The following COL22A1 variants were observed in gnomAD, a reference collection of about 807,000 sequenced individuals.
COL22A1 encodes collagen type XXII alpha 1 chain.
A neutral mutation model predicts 248.9 loss-of-function variants in COL22A1; 221 were observed. The ratio of observed to expected loss-of-function variants is 0.89; its 90% CI spans 0.80 to 0.99. The LOEUF (loss-of-function observed/expected upper bound fraction) is 0.99, where lower values mean the gene tolerates loss of function less well. Ranked by LOEUF, COL22A1 falls within the 50% of genes least tolerant of loss-of-function variation. COL22A1 has a pLI of 0.00. For synonymous variants in COL22A1, 891 were observed against 793.4 expected (o/e 1.12, Z -2.07); for missense variants, 2,240 against 2,179.0 (o/e 1.03, Z -0.56).
At chr8:138,876,417 T>C (rs2132034398) in intron 3 of COL22A1, among the ~76,000 whole-genome samples, 1 of 152,356 alleles carries the variant, frequency 6.6e-6, no homozygotes, top group African/African-American at 2.4e-5. Context: ...TTTATGTGGC[T>C]TTCCTGCCTT....
chr8:138,595,532 A>G (rs150953372), intron 62 of COL22A1, among the ~76,000 whole-genome samples: 44 of 152,202 alleles, frequency 2.9e-4, no homozygotes, highest in Middle Eastern at 3.4e-3. Context: ...GTGCCCACCA[A>G]TTTGTTCCTT....
chr8:138,911,420 A>C (rs1488116065), intron 1 of COL22A1, among the ~76,000 whole-genome samples: 1 of 152,188 alleles, frequency 6.6e-6, no homozygotes, highest in African/African-American at 2.4e-5. Flanking sequence ...ACTTCCACTT[A>C]TCTGTGACCC....
At chr8:138,702,958 G>T (rs1427896681) in intron 31 of COL22A1, among the ~76,000 whole-genome samples, 1 of 152,196 alleles carries the variant, frequency 6.6e-6, no homozygotes, top group African/African-American at 2.4e-5. Context: ...GAGGGCCAAT[G>T]AATGAAGCCC....
At chr8:138,896,412 C>G (rs1393544682) in intron 1 of COL22A1, among the ~76,000 whole-genome samples, 1 of 152,096 alleles carries the variant, frequency 6.6e-6, no homozygotes, top group Admixed American at 6.5e-5. Flanking sequence ...GGTAAAACAT[C>G]CATACTAGTT....
chr8:138,696,093 A>G (rs549933557), intron 32 of COL22A1, among the ~76,000 whole-genome samples: 86 of 152,316 alleles, frequency 5.6e-4, no homozygotes, highest in Non-Finnish European at 1.0e-3. Context: ...GTGAAGGTCA[A>G]TGGTACAGAG....
chr8:138,624,402 T>A (rs1369957998), intron 51 of COL22A1, among the ~76,000 whole-genome samples: 1 of 152,158 alleles, frequency 6.6e-6, no homozygotes, highest in East Asian at 1.9e-4. Context: ...GCCCAGTCTT[T>A]GGCTTAAGCC....
At chr8:138,841,854 T>C (rs1563832915) in intron 4 of COL22A1, among the ~76,000 whole-genome samples, 1 of 152,224 alleles carries the variant, frequency 6.6e-6, no homozygotes, top group Non-Finnish European at 1.5e-5. Flanking sequence ...AAAAGTGCTA[T>C]GTCTGGGAGT....
chr8:138,591,392 C>T, intron 64 of COL22A1, 32 bp downstream of exon 64: 1 of 1,521,270 alleles, frequency 6.6e-7, no homozygotes, highest in South Asian at 1.3e-5. Flanking sequence ...GTAGCTCACA[C>T]CCTACCCCTG....
At chr8:138,854,024 A>AG (rs1563846477) in intron 3 of COL22A1, among the ~76,000 whole-genome samples, 14 of 152,206 alleles carry the variant, frequency 9.2e-5, no homozygotes, top group African/African-American at 3.1e-4. Flanking sequence ...AGAACCCCTT[A>AG]AATGAGCAGG....
At chr8:138,755,078 G>A (rs368730671) in intron 21 of COL22A1, 79 bp downstream of exon 21, 164 of 1,416,256 alleles carry the variant, frequency 1.2e-4, no homozygotes, top group South Asian at 6.5e-4. Flanking sequence ...GCTCAGCGCC[G>A]GGAATGACTC....
At chr8:138,736,234 C>T in intron 23 of COL22A1, among the ~76,000 whole-genome samples, 1 of 151,772 alleles carries the variant, frequency 6.6e-6, no homozygotes, top group Non-Finnish European at 1.5e-5. Context: ...TCAGCATGAA[C>T]TTACTGATGC....
At chr8:138,631,746 A>G (rs1820737872) in intron 49 of COL22A1, among the ~76,000 whole-genome samples, 1 of 152,074 alleles carries the variant, frequency 6.6e-6, no homozygotes, top group African/African-American at 2.4e-5. Context: ...TCAGCTTCTC[A>G]GTGAAAGGTT....
Position 138,796,737 on chromosome 8 carries a change from A to G in COL22A1, c.1596+82T>C, listed in dbSNP as rs181634233. ...CCCACTCGAATTCTTTCCAGGCAAC[A>G]TAACAGTAGCACACACCTCCCCCAA... On this transcript the variant is annotated intron_variant, in intron 12 of 64. Transcript: ENST00000303045. The G allele has an allele frequency of 1.7e-4, 163 of 952,550 alleles. No individual in the cohort carries two copies. The African/African-American group carries it at 2.3e-3, about 14-fold the overall frequency. 59.0% of individuals were successfully genotyped at this position (952,550 alleles called of 1,614,324 possible).
chr8:138,696,962 A>G (rs977735619), intron 32 of COL22A1, among the ~76,000 whole-genome samples: 7 of 152,142 alleles, frequency 4.6e-5, no homozygotes, highest in African/African-American at 1.7e-4. Context: ...TAAAGACAAA[A>G]GGGCTTATGG....
intron 7 of COL22A1, among the ~76,000 whole-genome samples, chr8:138,817,770 C>G (rs1361128120): frequency 6.6e-6 from 1 of 152,164 alleles, no homozygotes; most frequent in African/African-American, 2.4e-5. Flanking sequence ...TTATTGAAAG[C>G]TGGCGGTATT....
At chr8:138,755,905 A>G in intron 18 of COL22A1, 76 bp from the exon 19 acceptor site, 1 of 1,314,320 alleles carries the variant, frequency 7.6e-7, no homozygotes. Flanking sequence ...TCTGAGGCTT[A>G]TTCTTGTGGG....
chr8:138,787,778 C>T (rs1243380030), intron 12 of COL22A1, among the ~76,000 whole-genome samples: 1 of 152,130 alleles, frequency 6.6e-6, no homozygotes, highest in Non-Finnish European at 1.5e-5. Context: ...CCTCTCCCTC[C>T]ACCACATACA....
chr8:138,774,463 G>A (rs943077722), intron 16 of COL22A1, among the ~76,000 whole-genome samples: 1 of 147,774 alleles, frequency 6.8e-6, no homozygotes, highest in Non-Finnish European at 1.5e-5. Context: ...CTGTCGCTCA[G>A]GCTGGAGTGC....
At position 138,649,772 on chromosome 8, in the gene COL22A1, A is replaced by T; in HGVS notation, c.3340T>A (p.Cys1114Ser). ...GDINLLAKDV[C>S]NDCPPGPPGL... The stretch of plus-strand genomic sequence containing the variant: ...GGGGGGCCAGGAGGGCAGTCATTGC[A>T]CACATCCTGAGAGTGGGGAGAGAGG... Residue 1114 changes from cysteine (C) to serine (S), a missense_variant, in exon 46 of 65, where the codon TGC becomes AGC. Cys to Ser is a moderately radical substitution (Grantham distance 112). Transcript: ENST00000303045. 1 of 1,587,460 alleles carries T rather than the reference A, an allele frequency of 6.3e-7. No homozygotes were observed. The highest frequency in any genetic ancestry group is 8.6e-7 in the Non-Finnish European group (1 of 1,167,584).
Sources: gnomAD v4.1 joint callset for allele counts (sites outside exome capture counted in the v4.1 genomes callset) on GRCh38, gnomAD v4.1.1 for gene constraint, MANE v1.5 for transcripts, NCBI Gene and HGNC (gene_info 2026-07-23, HGNC 2026-07-21) for gene names.